Variants in DPP6 observed in about 807,000 individuals in gnomAD.
The protein encoded by DPP6 is dipeptidyl peptidase like 6.
Under a neutral mutation model 122.6 loss-of-function variants are expected in DPP6, and 69 were observed. The ratio of observed to expected loss-of-function variants is 0.56; its 90% CI spans 0.46 to 0.69. The LOEUF (loss-of-function observed/expected upper bound fraction) is 0.69. DPP6 is among the 30% of genes least tolerant of loss of function. The pLI is 0.00. For missense variants in DPP6, 928 were observed against 1,116.9 expected (o/e 0.83, Z 2.41); for synonymous variants, 418 against 433.1 (o/e 0.97, Z 0.43).
At chr7:154,381,546 G>A (rs1350526386) in intron 1 of DPP6, among the ~76,000 whole-genome samples, 1 of 152,106 alleles carries the variant, frequency 6.6e-6, no homozygotes, top group Non-Finnish European at 1.5e-5. Context: ...CAGACCATCC[G>A]TACGCTCACA....
chr7:154,400,019 C>T (rs546225772), intron 1 of DPP6, among the ~76,000 whole-genome samples: 2 of 152,190 alleles, frequency 1.3e-5, no homozygotes, highest in African/African-American at 4.8e-5. Context: ...GGAGGGAGTG[C>T]AGGTGTGTGT....
chr7:154,226,689 A>C (rs1283230402), intron 1 of DPP6, among the ~76,000 whole-genome samples: 1 of 152,198 alleles, frequency 6.6e-6, no homozygotes. Context: ...CTCTGCTGTC[A>C]AAAATCCATA....
chr7:154,788,491 GGTT>G (rs1323852662), intron 10 of DPP6, among the ~76,000 whole-genome samples: 1 of 150,834 alleles, frequency 6.6e-6, no homozygotes, highest in Admixed American at 6.6e-5. Context: ...AAAATATATT[GGTT>G]GTTAAAAAAA....
intron 1 of DPP6, among the ~76,000 whole-genome samples, chr7:154,205,949 C>G (rs1378004511): frequency 6.6e-6 from 1 of 152,102 alleles, no homozygotes; most frequent in Non-Finnish European, 1.5e-5. Context: ...GCTGATGCCC[C>G]CAGACCACCC....
intron 7 of DPP6, among the ~76,000 whole-genome samples, chr7:154,705,249 A>C (rs1840763099): frequency 6.6e-6 from 1 of 152,144 alleles, no homozygotes; most frequent in African/African-American, 2.4e-5. Context: ...CAAAAAGGGG[A>C]ATGTCTTACT....
the DPP6 span, among the ~76,000 whole-genome samples, chr7:153,786,397 A>G: frequency 6.6e-6 from 1 of 151,404 alleles, no homozygotes; most frequent in Admixed American, 6.6e-5. Context: ...TGACAAGAAC[A>G]CTATAAAAAT....
intron 1 of DPP6, among the ~76,000 whole-genome samples, chr7:154,392,918 A>C (rs1334419254): frequency 1.3e-5 from 2 of 152,212 alleles, no homozygotes; most frequent in Non-Finnish European, 2.9e-5. Flanking sequence ...CTCGGGAGAC[A>C]TCAGCTGTGG....
intron 16 of DPP6, among the ~76,000 whole-genome samples, chr7:154,807,432 G>A (rs982597775): frequency 8.5e-5 from 13 of 152,178 alleles, no homozygotes; most frequent in African/African-American, 2.9e-4. Flanking sequence ...GCTAGGAAGG[G>A]CAAATATCCT....
intron 1 of DPP6, among the ~76,000 whole-genome samples, chr7:154,016,934 A>C (rs1438108934): frequency 2.0e-5 from 3 of 152,230 alleles, no homozygotes; most frequent in African/African-American, 7.2e-5. Context: ...TACCAAGGCA[A>C]ATACCTGGAG....
In DPP6 at chr7:154,481,953, C is replaced by T. The variant is rs893015853; in HGVS notation, c.457+6916C>T. ...GGTATCCCCAGCACCAGCAAAGTCC[C>T]CAGTTTGTGGCCGTCCACGAAGACT... On this transcript the variant is annotated intron_variant, in intron 3 of 25. Transcript: ENST00000377770. This position sits in a 1 kb window ranked among gnomAD's most constrained non-coding sequence, Gnocchi z 4.2. Among the ~76,000 whole-genome samples, 2 of 152,162 alleles carry T rather than the reference C, an allele frequency of 1.3e-5. No homozygotes were observed. The highest frequency in any genetic ancestry group is 2.9e-5 in the Non-Finnish European group (2 of 68,030).
chr7:153,846,126 G>T, the DPP6 span, among the ~76,000 whole-genome samples: 1 of 152,158 alleles, frequency 6.6e-6, no homozygotes, highest in Non-Finnish European at 1.5e-5. Flanking sequence ...GAGAGTGTCA[G>T]GTGCCCCACA....
At chr7:153,808,491 A>T in the DPP6 span, among the ~76,000 whole-genome samples, 1 of 151,930 alleles carries the variant, frequency 6.6e-6, no homozygotes, top group Non-Finnish European at 1.5e-5. Flanking sequence ...GCTCTCAGCA[A>T]ATTCCAAGTA....
intron 1 of DPP6, among the ~76,000 whole-genome samples, chr7:154,203,682 C>A (rs1563313227): frequency 6.6e-6 from 1 of 152,120 alleles, no homozygotes; most frequent in Non-Finnish European, 1.5e-5. Context: ...ATAGCTGCAA[C>A]CAAAAGTGAA....
intron 1 of DPP6, among the ~76,000 whole-genome samples, chr7:154,042,661 T>G (rs2533765): frequency 5.9e-5 from 9 of 152,228 alleles, no homozygotes; most frequent in South Asian, 2.1e-4. Context: ...ACCGAATCTG[T>G]GACAAGGTAT....
chr7:154,873,823 C>CGCACCT (rs532013511), intron 19 of DPP6, among the ~76,000 whole-genome samples: 24,324 of 139,214 alleles, frequency 0.17, 2,278 homozygotes, highest in East Asian at 0.53. Flanking sequence ...CATGCACACA[C>CGCACCT]GCATACATAA....
At chr7:154,785,613 C>T (rs761422155) in intron 10 of DPP6, among the ~76,000 whole-genome samples, 1 of 152,218 alleles carries the variant, frequency 6.6e-6, no homozygotes, top group Admixed American at 6.5e-5. Flanking sequence ...AGTCCCTTTC[C>T]TGTCCCTACC....
chr7:154,733,743 C>T (rs903054518), intron 8 of DPP6, among the ~76,000 whole-genome samples: 5 of 152,110 alleles, frequency 3.3e-5, no homozygotes, highest in Admixed American at 6.5e-5. Context: ...TCCTGGGGAT[C>T]GTGGAATGGT....
chr7:154,167,539 G>C (rs1797314490), intron 1 of DPP6, among the ~76,000 whole-genome samples: 1 of 152,218 alleles, frequency 6.6e-6, no homozygotes, highest in Non-Finnish European at 1.5e-5. Flanking sequence ...CTTGAGATTT[G>C]AGGCGCTAAA....
chr7:154,880,072 A>T (rs938400592), intron 20 of DPP6, among the ~76,000 whole-genome samples: 4 of 152,348 alleles, frequency 2.6e-5, no homozygotes, highest in African/African-American at 9.6e-5. Flanking sequence ...CTCTAACTCC[A>T]CACTTGACAT....
Sources: allele counts gnomAD v4.1 joint callset (sites outside exome capture counted in the v4.1 genomes callset), GRCh38; gene constraint gnomAD v4.1.1; non-coding constraint Gnocchi (gnomAD v3.1); transcripts MANE v1.5; gene names NCBI Gene and HGNC (gene_info 2026-07-23, HGNC 2026-07-21).